The following PDE9A variants were observed in gnomAD, a reference collection of about 807,000 sequenced individuals.
PDE9A encodes high affinity cGMP-specific 3',5'-cyclic phosphodiesterase 9A.
In PDE9A, 60 loss-of-function variants were observed where a neutral mutation model predicts 87.4. The ratio of observed to expected loss-of-function variants is 0.69; its 90% confidence interval spans 0.56 to 0.85. PDE9A has a LOEUF of 0.85. Among genes scored for constraint, PDE9A ranks in the 40% least tolerant of loss-of-function variants. PDE9A has a pLI of 0.00. For missense variants in PDE9A, 665 were observed against 779.0 expected, an observed-to-expected ratio of 0.85 and a Z score of 1.74; for synonymous variants, 272 against 279.4, an observed-to-expected ratio of 0.97 and a Z score of 0.27.
rs373901673 is a variant in PDE9A at position 42,759,494 on chromosome 21, TTGTG to T, written c.897+410_897+413del. On this transcript the variant is annotated intron_variant, in intron 11 of 19. Coordinates refer to ENST00000291539, the MANE Select transcript of PDE9A (RefSeq NM_002606.3). The surrounding 1 kb of genome is among the most constrained non-coding windows in gnomAD (Gnocchi z 7.2). ...TGAGCATGGGGGTGTCTGCATGTGT[TTGTG>T]AGTGGGTGTGTGGATGTAAATGTGT... is the stretch of plus-strand genomic sequence containing the variant. Among the ~76,000 whole-genome samples, 762 of 123,406 alleles carry T rather than the reference TTGTG, an allele frequency of 6.2e-3. 11 individuals carry two copies. Among genetic ancestry groups the T allele is most frequent in the African/African-American group, 0.023 (723 of 31,948 alleles). The allele number at this position is 123,406 out of a possible 152,430, so 81.0% of individuals were successfully genotyped here.
intron 6 of PDE9A, among the ~76,000 whole-genome samples, 160 bp from the exon 7 acceptor site, chr21:42,733,196 A>C (rs1421976408): frequency 6.6e-6 from 1 of 152,234 alleles, no homozygotes; most frequent in Non-Finnish European, 1.5e-5. Context: ...TGATTTCTGA[A>C]AAGCAAGTCC....
intron 4 of PDE9A, among the ~76,000 whole-genome samples, chr21:42,710,808 T>C (rs1369429316): frequency 1.3e-5 from 2 of 152,130 alleles, no homozygotes; most frequent in African/African-American, 4.8e-5. Flanking sequence ...ACCAACATGG[T>C]GAAACCTCCT....
Position 42,759,590 on chromosome 21 carries a change from GGTGT to G in PDE9A, c.897+511_897+514del, listed in dbSNP as rs1298332283. ...ATGGGGGTATCTGAGTTTACGGGTGGGTGTGTGTGAATGTGTGGTGGGAGTGTGT... is the reference window on the plus strand; with the variant it reads ...ATGGGGGTATCTGAGTTTACGGGTGGGTGTGAATGTGTGGTGGGAGTGTGT... On this transcript the variant is annotated intron_variant, in intron 11 of 19. Transcript: ENST00000291539. This position sits in a 1 kb window ranked among gnomAD's most constrained non-coding sequence, Gnocchi z 7.2. 2.6e-5 allele frequency among the ~76,000 whole-genome samples: 4 copies of G among 151,030 alleles called. No individual in the cohort carries two copies. Among genetic ancestry groups the G allele is most frequent in the South Asian group, 2.1e-4 (1 of 4,778 alleles).
rs998631016 is a variant in PDE9A, at chr21:42,692,196, G to A, written c.218+4202G>A. Among the ~76,000 whole-genome samples the A allele has an allele frequency of 6.6e-5, 10 of 152,224 alleles. No homozygotes were observed. The highest frequency in any genetic ancestry group is 1.0e-4 in the Non-Finnish European group (7 of 68,038). On this transcript the variant is annotated intron_variant, in intron 3 of 19. Transcript: ENST00000291539. The surrounding 1 kb of genome is among the most constrained non-coding windows in gnomAD (Gnocchi z 4.3). ...GTGCAGGATGGAATGAGTTGGGGAC[G>A]GAGTGAACCAGTCCAGCTCGTGCGT...
rs201070168 is a variant in PDE9A, at chr21:42,717,543, C to CAA, written c.263-14215_263-14214dup. On this transcript the variant is annotated intron_variant, in intron 4 of 19. Transcript: ENST00000291539. ...TGGGCAAGAGAGTGAGACTCCATCT[C>CAA]AAAAAAAAAAAAATTTTTTTGTATT... Among the ~76,000 whole-genome samples, 208 of 68,132 alleles carry CAA rather than the reference C, an allele frequency of 3.1e-3. 5 individuals are homozygous for CAA. The highest frequency in any genetic ancestry group is 7.7e-3 in the African/African-American group (77 of 10,012). The allele number at this position is 68,132 out of a possible 152,430, so 44.7% of individuals were successfully genotyped here.
chr21:42,694,386 AG>A lies in PDE9A; in HGVS notation c.219-4580del, dbSNP rs2060036041. ...GCATCTGGCATGCTTGGATTCCTGC[AG>A]GTGGCTGGTTGCACCTAGCTTGCTT... On this transcript the variant is annotated intron_variant, in intron 3 of 19. Coordinates refer to ENST00000291539, the MANE Select transcript of PDE9A (RefSeq NM_002606.3). This position sits in a 1 kb window ranked among gnomAD's most constrained non-coding sequence, Gnocchi z 5.3. Among the ~76,000 whole-genome samples the A allele has an allele frequency of 6.6e-6, 1 of 152,170 alleles. No homozygotes were observed. The highest frequency in any genetic ancestry group is 6.5e-5 in the Admixed American group (1 of 15,280).
Position 42,696,406 on chromosome 21 carries a change from G to C in PDE9A, c.219-2562G>C, listed in dbSNP as rs889898991. Among the ~76,000 whole-genome samples the C allele has an allele frequency of 1.3e-5, 2 of 152,210 alleles. No homozygotes were observed. The highest frequency in any genetic ancestry group is 2.9e-5 in the Non-Finnish European group (2 of 68,046). ...TTAATTTTCTAGGGACAAGGGGCAG[G>C]GGAAGGAGGAGAAGAAAGAGTCCTT... is the stretch of plus-strand genomic sequence containing the variant. On this transcript the variant is annotated intron_variant, in intron 3 of 19. Coordinates refer to ENST00000291539, the MANE Select transcript of PDE9A (RefSeq NM_002606.3). The surrounding 1 kb of genome is among the most constrained non-coding windows in gnomAD (Gnocchi z 5.1).
At chr21:42,685,119 C>G (rs2059379815) in intron 1 of PDE9A, among the ~76,000 whole-genome samples, 1 of 152,232 alleles carries the variant, frequency 6.6e-6, no homozygotes, top group South Asian at 2.1e-4. Context: ...TCCAGGGAGG[C>G]ATCCTCTGCG....
chr21:42,726,618 A>ATTTTTTTTTTTT (rs1486108848), intron 4 of PDE9A, among the ~76,000 whole-genome samples: 4 of 23,048 alleles, frequency 1.7e-4, no homozygotes, highest in African/African-American at 6.6e-4. Context: ...ATATATATAT[A>ATTTTTTTTTTTT]TATATATTTT....
intron 7 of PDE9A, 30 bp from the exon 8 acceptor site, chr21:42,743,746 C>A (rs1365927980): frequency 1.7e-5 from 24 of 1,416,976 alleles, no homozygotes; most frequent in Non-Finnish European, 2.2e-5. Context: ...TCCGTGGTAA[C>A]CCCCTTGCTG....
chr21:42,726,624 A>ATTT lies in PDE9A; in HGVS notation c.263-5131_263-5129dup, dbSNP rs1197356167. ...TATATATATATATATATATATATAT[A>ATTT]TTTTTTTTTTTTTTTTTGTAGAGAT... On this transcript the variant is annotated intron_variant, in intron 4 of 19. Coordinates refer to ENST00000291539, the MANE Select transcript of PDE9A (RefSeq NM_002606.3). Among the ~76,000 whole-genome samples the ATTT allele has an allele frequency of 1.8e-3, 35 of 19,772 alleles. 2 individuals carry two copies. The highest frequency in any genetic ancestry group is 0.013 in the Admixed American group (16 of 1,224). 13.0% of individuals were successfully genotyped at this position (19,772 alleles called of 152,430 possible). A position where few individuals can be genotyped will look rare whatever the true frequency, so the allele number is the denominator to read the frequency against.
chr21:42,732,221 C>T, intron 6 of PDE9A, 97 bp downstream of exon 6: 1 of 1,206,184 alleles, frequency 8.3e-7, no homozygotes, highest in South Asian at 1.3e-5. Flanking sequence ...CCTTGGCCGG[C>T]AAGCGTGGCT....
rs544572756 is a variant in PDE9A, at chr21:42,708,678, C to G, written c.262+9667C>G. Among the ~76,000 whole-genome samples, 14 of 152,308 alleles carry G rather than the reference C, an allele frequency of 9.2e-5. No homozygotes were observed. In the South Asian group the frequency reaches 2.9e-3, roughly 32 times the overall value. On this transcript the variant is annotated intron_variant, in intron 4 of 19. Transcript: ENST00000291539. ...CAAGCAATTATCCTGCCTCAGCCTC[C>G]CGTGTAGCTGAGATTACAGGCGCAT...
chr21:42,711,444 G>A (rs960822823), intron 4 of PDE9A, among the ~76,000 whole-genome samples: 1 of 151,752 alleles, frequency 6.6e-6, no homozygotes, highest in African/African-American at 2.4e-5. Flanking sequence ...GTAGAGATGG[G>A]GTTTCACCAT....
At position 42,765,397 on chromosome 21, in the gene PDE9A, T is replaced by C; in HGVS notation, c.1259T>C (p.Ile420Thr). Residue 420 changes from isoleucine to threonine, a missense_variant, in exon 15 of 20, where the codon ATC (isoleucine) becomes ACC (threonine). Physicochemically the swap from Ile to Thr is moderately conservative, Grantham distance 89. Transcript: ENST00000291539. The stretch of plus-strand genomic sequence containing the variant: ...GCTATTTAGGGAATGATCACATTAA[T>C]CTTGGCCACTGACATGGCAAGACAT... ...KQIRQGMITLILATDMARHAE... is the reference protein window; with the variant it reads ...KQIRQGMITLTLATDMARHAE... The C allele has an allele frequency of 6.2e-7, 1 of 1,603,892 alleles. No homozygotes were observed. Among genetic ancestry groups the C allele is most frequent in the East Asian group, 2.2e-5 (1 of 44,842 alleles).
chr21:42,657,912 C>T (rs1301564816), intron 1 of PDE9A, among the ~76,000 whole-genome samples: 2 of 152,258 alleles, frequency 1.3e-5, no homozygotes, highest in Admixed American at 6.5e-5. Flanking sequence ...CATCGGTGGC[C>T]GCTTGAGTTT....
intron 14 of PDE9A, 77 bp downstream of exon 14, chr21:42,762,316 G>A: frequency 4.2e-6 from 6 of 1,425,426 alleles, no homozygotes; most frequent in South Asian, 1.3e-5. Flanking sequence ...CCATTGGCTG[G>A]AAGCTCCCAG....
chr21:42,673,000 A>T (rs1390100802), intron 1 of PDE9A, among the ~76,000 whole-genome samples: 1 of 152,226 alleles, frequency 6.6e-6, no homozygotes, highest in Non-Finnish European at 1.5e-5. Context: ...AGGAAAAAGG[A>T]GGAGGAGGAT....
At chr21:42,753,007 T>TTTC (rs1046038755) in intron 9 of PDE9A, among the ~76,000 whole-genome samples, 2 of 123,420 alleles carry the variant, frequency 1.6e-5, no homozygotes, top group Non-Finnish European at 1.9e-5. Context: ...TTATTGCCCT[T>TTTC]TTTTTATTAT....
Sources: allele counts gnomAD v4.1 joint callset (sites outside exome capture counted in the v4.1 genomes callset), GRCh38; gene constraint gnomAD v4.1.1; non-coding constraint Gnocchi (gnomAD v3.1); transcripts MANE v1.5; gene names NCBI Gene and HGNC (gene_info 2026-07-23, HGNC 2026-07-21).